Variants in KDM2A observed in about 807,000 individuals in gnomAD.
The protein encoded by KDM2A is lysine-specific demethylase 2A.
Under a neutral mutation model 137.3 loss-of-function variants are expected in KDM2A, and 3 were observed. The observed-to-expected ratio is 0.02, with a 90% confidence interval of 0.01 to 0.06. The LOEUF (loss-of-function observed/expected upper bound fraction) is 0.06. Among genes scored for constraint, KDM2A ranks in the 10% least tolerant of loss-of-function variants. The pLI is 1.00. For missense variants in KDM2A, 738 were observed against 1,510.6 expected, an observed-to-expected ratio of 0.49 and a Z score of 8.48; for synonymous variants, 512 against 541.5, an observed-to-expected ratio of 0.95 and a Z score of 0.76.
rs138688996 is a variant in KDM2A, at chr11:67,132,403, C to A, written c.42+11045C>A. Among the ~76,000 whole-genome samples, 340 of 152,308 alleles carry A rather than the reference C, an allele frequency of 2.2e-3. 1 individual carries two copies. In the East Asian group the frequency reaches 0.032, roughly 14 times the overall value. On this transcript the variant is annotated intron_variant, in intron 2 of 20. Transcript: ENST00000529006. ...GGTTCAAGCGATTCTCCTGCCTCAG[C>A]CTCCCAAGTAGCTGGGATTACAGGC...
intron 2 of KDM2A, among the ~76,000 whole-genome samples, chr11:67,175,179 A>C (rs1856951359): frequency 6.6e-6 from 1 of 152,162 alleles, no homozygotes; most frequent in Non-Finnish European, 1.5e-5. Flanking sequence ...AATGTTTTTA[A>C]AGCATTTATG....
In KDM2A at chr11:67,186,581, G is replaced by T. The variant is rs902408896; in HGVS notation, c.307+4689G>T. On this transcript the variant is annotated intron_variant, in intron 5 of 20. Coordinates refer to ENST00000529006, the MANE Select transcript of KDM2A (RefSeq NM_012308.3). ...CCATATGAAGAAATATCTCGATAAA[G>T]GTAAATACATGGGTAATTGTAAGAG... Among the ~76,000 whole-genome samples, 98 of 152,162 alleles carry T rather than the reference G, an allele frequency of 6.4e-4. 1 individual carries two copies. The highest frequency in any genetic ancestry group is 2.1e-3 in the African/African-American group (85 of 41,432).
chr11:67,207,429 TCTA>T (rs1462389063), intron 5 of KDM2A, 78 bp from the exon 6 acceptor site: 1 of 1,119,356 alleles, frequency 8.9e-7, no homozygotes, highest in Non-Finnish European at 1.2e-6. Flanking sequence ...TATTTTTTCT[TCTA>T]CTTTTTAAAA....
At position 67,254,627 on chromosome 11, in the gene KDM2A, G is replaced by A. The variant is rs753564229; in HGVS notation, c.3307+209G>A. The A allele has an allele frequency of 2.7e-5, 17 of 637,316 alleles. 1 individual carries two copies. Among genetic ancestry groups the A allele is most frequent in the South Asian group, 7.7e-5 (4 of 52,280 alleles). 39.5% of individuals were successfully genotyped at this position (637,316 alleles called of 1,614,324 possible). Reference sequence around the variant, plus strand: ...GTAGTTAAGTCGGTTGCCTGTCTGCGCAGCCAACATCCAGCTGGAGTTTGG... The same window carrying A: ...GTAGTTAAGTCGGTTGCCTGTCTGCACAGCCAACATCCAGCTGGAGTTTGG... On this transcript the variant is annotated intron_variant, in intron 20 of 20. Transcript: ENST00000529006. This position sits in a 1 kb window ranked among gnomAD's most constrained non-coding sequence, Gnocchi z 4.7.
chr11:67,214,236 G>T (rs1858087439), intron 6 of KDM2A, among the ~76,000 whole-genome samples: 2 of 131,444 alleles, frequency 1.5e-5, no homozygotes, highest in African/African-American at 2.9e-5. Context: ...ACGGAGTCTT[G>T]CTCTGTTACC....
intron 16 of KDM2A, 46 bp downstream of exon 16, chr11:67,248,416 C>G (rs770883219): frequency 3.0e-6 from 4 of 1,321,496 alleles, no homozygotes; most frequent in South Asian, 1.3e-5. Context: ...AAGGAGGCAT[C>G]AAATGTGGGG....
intron 2 of KDM2A, among the ~76,000 whole-genome samples, chr11:67,127,544 T>C (rs1855758002): frequency 6.6e-6 from 1 of 152,144 alleles, no homozygotes; most frequent in Admixed American, 6.6e-5. Context: ...CCTGTTAACC[T>C]GTCTTACATA....
At chr11:67,168,802 A>G (rs1367951105) in intron 2 of KDM2A, among the ~76,000 whole-genome samples, 1 of 152,188 alleles carries the variant, frequency 6.6e-6, no homozygotes, top group Admixed American at 6.5e-5. Context: ...GATTTTTTGG[A>G]TATGTATGCA....
chr11:67,138,973 A>T (rs1021669670), intron 2 of KDM2A, among the ~76,000 whole-genome samples: 1 of 152,184 alleles, frequency 6.6e-6, no homozygotes, highest in South Asian at 2.1e-4. Context: ...TCGTTTCTTC[A>T]TATTTCCTGC....
At chr11:67,143,232 C>G (rs964176204) in intron 2 of KDM2A, 1 of 151,714 alleles carries the variant, frequency 6.6e-6, no homozygotes, top group African/African-American at 2.4e-5. Context: ...GTCTTGAACT[C>G]GTGACCTCAG....
chr11:67,180,465 C>T (rs748061377), intron 3 of KDM2A: 7 of 335,564 alleles, frequency 2.1e-5, no homozygotes, highest in Admixed American at 9.4e-5. Context: ...TTTTGCCTAA[C>T]GGCCTCTTCC....
rs573123963 is a variant in KDM2A at position 67,138,320 on chromosome 11, G to A, written c.42+16962G>A. On this transcript the variant is annotated intron_variant, in intron 2 of 20. Transcript: ENST00000529006. ...AAATACATAAAATGTAGAGAACACA[G>A]TAAGTGAATTTCAACAATGAAAAGA... Among the ~76,000 whole-genome samples, 3 of 152,344 alleles carry A rather than the reference G, an allele frequency of 2.0e-5. No individual in the cohort carries two copies. In the East Asian group the frequency reaches 5.8e-4, roughly 29 times the overall value.
At chr11:67,191,318 C>T (rs1857348981) in intron 5 of KDM2A, among the ~76,000 whole-genome samples, 1 of 152,120 alleles carries the variant, frequency 6.6e-6, no homozygotes, top group Non-Finnish European at 1.5e-5. Context: ...AGCCACTGCG[C>T]CCGACCAAGG....
intron 18 of KDM2A, 121 bp downstream of exon 18, chr11:67,252,978 C>T: frequency 9.1e-7 from 1 of 1,095,176 alleles, no homozygotes; most frequent in Non-Finnish European, 1.3e-6. Context: ...CAGTCCCATG[C>T]CATTGTTGCT....
At position 67,254,236 on chromosome 11, in the gene KDM2A, C is replaced by T. The variant is rs377131486; in HGVS notation, c.3125C>T (p.Thr1042Ile). The T allele has an allele frequency of 6.2e-7, 1 of 1,614,022 alleles. No individual in the cohort carries two copies. The highest frequency in any genetic ancestry group is 1.1e-5 in the South Asian group (1 of 91,086). Residue 1042 changes from threonine (T) to isoleucine (I), a missense_variant, in exon 20 of 21, where the codon ACC (threonine) becomes ATC (isoleucine). Coordinates refer to ENST00000529006, the MANE Select transcript of KDM2A (RefSeq NM_012308.3). The surrounding 1 kb of genome is among the most constrained non-coding windows in gnomAD (Gnocchi z 4.7). Reference sequence around the variant, plus strand: ...AATCGCAGCAAGCTCCGGAACATGACCGACTTCCGGCTGGCAGGCCTTGAC... The same window carrying T: ...AATCGCAGCAAGCTCCGGAACATGATCGACTTCCGGCTGGCAGGCCTTGAC... ...QDNRSKLRNM[T>I]DFRLAGLDIT...
chr11:67,180,389 CCT>C, intron 3 of KDM2A, 172 bp downstream of exon 3: 2 of 549,798 alleles, frequency 3.6e-6, no homozygotes, highest in Non-Finnish European at 6.1e-6. Flanking sequence ...GTCCTCCCAC[CCT>C]GTGAGTCATT....
In KDM2A at chr11:67,245,730, G is replaced by C. The variant is rs1859184542; in HGVS notation, c.1834-255G>C. The stretch of plus-strand genomic sequence containing the variant: ...TTGCTTTCTTTCCCCTCTTCAGGTA[G>C]ATTAGAAAGGACCGGGGAGGCCAAG... On this transcript the variant is annotated intron_variant, in intron 14 of 20. Coordinates refer to ENST00000529006, the MANE Select transcript of KDM2A (RefSeq NM_012308.3). This position sits in a 1 kb window ranked among gnomAD's most constrained non-coding sequence, Gnocchi z 4.1. The C allele has an allele frequency of 1.7e-6, 1 of 597,022 alleles. No individual in the cohort carries two copies. The highest frequency in any genetic ancestry group is 3.0e-5 in the Admixed American group (1 of 32,812). 37.0% of individuals were successfully genotyped at this position (597,022 alleles called of 1,614,324 possible).
chr11:67,192,882 A>G (rs1224516151), intron 5 of KDM2A, among the ~76,000 whole-genome samples: 2 of 152,194 alleles, frequency 1.3e-5, no homozygotes, highest in Non-Finnish European at 2.9e-5. Flanking sequence ...ATTCCTCTCC[A>G]AAGTGATTGT....
intron 5 of KDM2A, among the ~76,000 whole-genome samples, chr11:67,186,968 G>A (rs1158059826): frequency 1.3e-5 from 2 of 152,146 alleles, no homozygotes; most frequent in African/African-American, 2.4e-5. Flanking sequence ...ATAACTAATA[G>A]GGGCACAGTA....
Sources: allele counts gnomAD v4.1 joint callset (sites outside exome capture counted in the v4.1 genomes callset), GRCh38; gene constraint gnomAD v4.1.1; non-coding constraint Gnocchi (gnomAD v3.1); transcripts MANE v1.5; gene names NCBI Gene and HGNC (gene_info 2026-07-23, HGNC 2026-07-21).